The following EPAS1 variants were observed in gnomAD, a reference collection of about 807,000 sequenced individuals.
EPAS1 encodes endothelial PAS domain-containing protein 1.
In EPAS1, 23 loss-of-function variants were observed where a neutral mutation model predicts 87.9. The ratio of observed to expected loss-of-function variants is 0.26; its 90% confidence interval spans 0.19 to 0.37. The LOEUF is 0.37. Among genes scored for constraint, EPAS1 ranks in the 10% least tolerant of loss-of-function variants. The pLI is 1.00. For missense variants in EPAS1, 1,138 were observed against 1,120.7 expected (o/e 1.02, Z -0.22); for synonymous variants, 508 against 444.3 (o/e 1.14, Z -1.80).
intron 7 of EPAS1, among the ~76,000 whole-genome samples, chr2:46,372,246 G>T (rs188652378): frequency 1.3e-5 from 2 of 152,202 alleles, no homozygotes; most frequent in African/African-American, 4.8e-5. Flanking sequence ...AGGGAAATCT[G>T]CTTGGGTTGG....
chr2:46,362,072 C>A (rs34872821), intron 6 of EPAS1, among the ~76,000 whole-genome samples: 1 of 152,096 alleles, frequency 6.6e-6, no homozygotes, highest in Admixed American at 6.5e-5. Context: ...CAGCACCCCC[C>A]GCATGCGCCC....
At chr2:46,314,881 G>A (rs1468467818) in intron 1 of EPAS1, among the ~76,000 whole-genome samples, 1 of 152,206 alleles carries the variant, frequency 6.6e-6, no homozygotes, top group African/African-American at 2.4e-5. Flanking sequence ...GTGGGCTGGG[G>A]TACGAGAAGG....
chr2:46,313,596 C>T (rs1212820974), intron 1 of EPAS1, among the ~76,000 whole-genome samples: 1 of 152,064 alleles, frequency 6.6e-6, no homozygotes, highest in African/African-American at 2.4e-5. Context: ...GGATTACAGG[C>T]ACGCACCACC....
intron 1 of EPAS1, among the ~76,000 whole-genome samples, chr2:46,329,770 C>T (rs1366557306): frequency 2.0e-5 from 3 of 151,770 alleles, no homozygotes; most frequent in East Asian, 3.9e-4. Flanking sequence ...TGCAGTGAGC[C>T]GAGATCACAC....
Position 46,385,014 on chromosome 2 carries a change from G to A in EPAS1, c.*354G>A. 1 of 310,222 alleles carries A rather than the reference G, an allele frequency of 3.2e-6. No individual in the cohort carries two copies. Among genetic ancestry groups the A allele is most frequent in the South Asian group, 3.5e-5 (1 of 28,904 alleles). 19.2% of individuals were successfully genotyped at this position (310,222 alleles called of 1,614,324 possible). A position where few individuals can be genotyped will look rare whatever the true frequency, so the allele number is the denominator to read the frequency against. ...ATACTAACAAGTTTGGTGCATGTCTGTTCTTCTGTAGGGAGAAGCTTTAGC... is the reference window on the plus strand; with the variant it reads ...ATACTAACAAGTTTGGTGCATGTCTATTCTTCTGTAGGGAGAAGCTTTAGC... On this transcript the variant is annotated 3_prime_UTR_variant, in exon 16 of 16. Coordinates refer to ENST00000263734, the MANE Select transcript of EPAS1 (RefSeq NM_001430.5).
At chr2:46,366,843 G>T (rs187878359) in intron 6 of EPAS1, among the ~76,000 whole-genome samples, 3 of 152,352 alleles carry the variant, frequency 2.0e-5, no homozygotes, top group Admixed American at 6.5e-5. Context: ...CTTGTGTGCC[G>T]TAGGAGCGAC....
chr2:46,307,030 C>T (rs552469445), intron 1 of EPAS1, among the ~76,000 whole-genome samples: 3 of 152,182 alleles, frequency 2.0e-5, no homozygotes, highest in African/African-American at 7.2e-5. Context: ...GGAGTAAATC[C>T]TCATAATGCC....
Position 46,380,500 on chromosome 2 carries a change from G to C in EPAS1, c.1828G>C (p.Asp610His), listed in dbSNP as rs1425417808. Residue 610 changes from aspartate to histidine, a missense_variant, in exon 12 of 16, where the codon GAT becomes CAT. Asp to His is a moderately conservative substitution (Grantham distance 81, BLOSUM62 -1). Transcript: ENST00000263734. The surrounding 1 kb of genome is among the most constrained non-coding windows in gnomAD (Gnocchi z 4.4). ...CCGGCCCATGTCCTCCATCTTCTTT[G>C]ATGCCGGAAGCAAAGCATCCCTGCC... ...EHRPMSSIFF[D>H]AGSKASLPPC... 1.2e-6 allele frequency: 2 copies of C among 1,614,176 alleles called. No individual in the cohort carries two copies. Among genetic ancestry groups the C allele is most frequent in the South Asian group, 2.2e-5 (2 of 91,084 alleles).
At chr2:46,326,791 A>G (rs1482202467) in intron 1 of EPAS1, among the ~76,000 whole-genome samples, 1 of 152,168 alleles carries the variant, frequency 6.6e-6, no homozygotes, top group Non-Finnish European at 1.5e-5. Context: ...CATACTCAAG[A>G]CAGGAGATAG....
At chr2:46,358,486 AC>A (rs1171392342) in intron 4 of EPAS1, among the ~76,000 whole-genome samples, 2 of 152,102 alleles carry the variant, frequency 1.3e-5, no homozygotes, top group Non-Finnish European at 2.9e-5. Context: ...TACTCCAGAA[AC>A]CCTTTGGCCT....
At chr2:46,379,675 G>A (rs186354809) in intron 11 of EPAS1, 1 of 172,674 alleles carries the variant, frequency 5.8e-6, no homozygotes, top group Admixed American at 5.5e-5. Context: ...GCCACCCTAA[G>A]GGATGATCTG....
Position 46,375,950 on chromosome 2 carries a change from C to T in EPAS1, c.1034+113C>T, listed in dbSNP as rs2103662934. On this transcript the variant is annotated intron_variant, in intron 8 of 15. Coordinates refer to ENST00000263734, the MANE Select transcript of EPAS1 (RefSeq NM_001430.5). The surrounding 1 kb of genome is among the most constrained non-coding windows in gnomAD (Gnocchi z 4.1). ...GCCAGGCCTCTCAGCGCCCTGGGCA[C>T]CACCTCAGGGAGGTCTTGCAGGGCT... is the stretch of plus-strand genomic sequence containing the variant. The T allele has an allele frequency of 5.6e-6, 8 of 1,426,110 alleles. No homozygotes were observed. The highest frequency in any genetic ancestry group is 4.6e-5 in the East Asian group (2 of 43,918). The allele number at this position is 1,426,110 out of a possible 1,614,324, so 88.3% of individuals were successfully genotyped here. A position where few individuals can be genotyped will look rare whatever the true frequency, so the allele number is the denominator to read the frequency against.
At chr2:46,378,210 G>T in intron 10 of EPAS1, 123 bp downstream of exon 10, 1 of 1,470,322 alleles carries the variant, frequency 6.8e-7, no homozygotes. Context: ...GCCCCCTAGA[G>T]TGGCCGTGAC....
At chr2:46,352,845 C>T (rs1055054526) in intron 2 of EPAS1, among the ~76,000 whole-genome samples, 4 of 152,222 alleles carry the variant, frequency 2.6e-5, no homozygotes, top group Non-Finnish European at 4.4e-5. Flanking sequence ...CCCTAGATTG[C>T]CCCTCTCCCT....
intron 7 of EPAS1, among the ~76,000 whole-genome samples, chr2:46,373,759 T>C (rs1035586838): frequency 1.3e-5 from 2 of 152,202 alleles, no homozygotes; most frequent in African/African-American, 2.4e-5. Flanking sequence ...GTGTGTTTTA[T>C]TGAAGGTAAA....
In EPAS1 at chr2:46,360,343, C is replaced by T. The variant is rs1416033226; in HGVS notation, c.455-295C>T. Among the ~76,000 whole-genome samples, 1 of 152,230 alleles carries T rather than the reference C, an allele frequency of 6.6e-6. No homozygotes were observed. The highest frequency in any genetic ancestry group is 1.5e-5 in the Non-Finnish European group (1 of 68,038). On this transcript the variant is annotated intron_variant, in intron 4 of 15. Coordinates refer to ENST00000263734, the MANE Select transcript of EPAS1 (RefSeq NM_001430.5). This position sits in a 1 kb window ranked among gnomAD's most constrained non-coding sequence, Gnocchi z 4.5. ...TGGCTGATAGGCAGTCGTTGTGTCG[C>T]TGCTCTGAAGGCACCACTGACCATG...
rs1200936323 is a variant in EPAS1 at position 46,371,461 on chromosome 2, C to A, written c.886+1528C>A. Reference sequence around the variant, plus strand: ...AGAAGTTTCTCACTGTGCTCTCTGGCAAAACACACACGCGCACACACAGAC... The same window carrying A: ...AGAAGTTTCTCACTGTGCTCTCTGGAAAAACACACACGCGCACACACAGAC... On this transcript the variant is annotated intron_variant, in intron 7 of 15. Transcript: ENST00000263734. This position sits in a 1 kb window ranked among gnomAD's most constrained non-coding sequence, Gnocchi z 4.3. Among the ~76,000 whole-genome samples the A allele has an allele frequency of 6.6e-6, 1 of 152,146 alleles. No individual in the cohort carries two copies. Among genetic ancestry groups the A allele is most frequent in the African/African-American group, 2.4e-5 (1 of 41,418 alleles).
rs751814313 is a variant in EPAS1, at chr2:46,382,058, G to A, written c.2256G>A (p.Pro752=). ...NLRGGSCPLM[P]DKPLSANVPN... ...GGGGTGGGAGCTGCCCTTTGATGCC[G>A]GACAAGCCACTGAGCGCAAATGTAC... The change falls in exon 14 of 16, where the codon CCG becomes CCA. Residue 752 remains proline, a synonymous_variant. Transcript: ENST00000263734. 17 of 1,613,410 alleles carry A rather than the reference G, an allele frequency of 1.1e-5. No individual in the cohort carries two copies. The highest frequency in any genetic ancestry group is 6.7e-5 in the Admixed American group (4 of 59,990).
At chr2:46,339,370 C>G (rs916332256) in intron 1 of EPAS1, among the ~76,000 whole-genome samples, 2 of 152,202 alleles carry the variant, frequency 1.3e-5, no homozygotes, top group Non-Finnish European at 2.9e-5. Flanking sequence ...AGGTCTGTTT[C>G]TAATCGTGCC....
Sources: gnomAD v4.1 joint callset for allele counts (sites outside exome capture counted in the v4.1 genomes callset) on GRCh38, gnomAD v4.1.1 for gene constraint, Gnocchi (gnomAD v3.1) non-coding constraint, MANE v1.5 for transcripts, NCBI Gene and HGNC (gene_info 2026-07-23, HGNC 2026-07-21) for gene names.